TCF12: variants seen among roughly 807,000 people sequenced by gnomAD.
TCF12 encodes DNA-binding protein HTF4.
TCF12 carries 45 observed loss-of-function variants against 86.0 expected under a neutral mutation model. That is an observed-to-expected ratio of 0.52 (90% CI 0.41 to 0.67). TCF12 has a LOEUF of 0.67. Among genes scored for constraint, TCF12 ranks in the 30% least tolerant of loss-of-function variants. The pLI is 0.00. For missense variants in TCF12, 881 were observed against 859.9 expected (o/e 1.02, Z -0.31); for synonymous variants, 330 against 299.6 (o/e 1.10, Z -1.05).
intron 4 of TCF12, among the ~76,000 whole-genome samples, chr15:57,067,254 T>C (rs2068956652): frequency 6.6e-6 from 1 of 152,112 alleles, no homozygotes; most frequent in Non-Finnish European, 1.5e-5. Flanking sequence ...CTAAGAGTGG[T>C]TATAGGCCGG....
intron 16 of TCF12, 129 bp downstream of exon 16, chr15:57,253,597 C>A: frequency 1.9e-6 from 2 of 1,060,322 alleles, no homozygotes; most frequent in Non-Finnish European, 2.7e-6. Context: ...ATTTTCTTTA[C>A]TGTCTTTGGC....
chr15:57,191,080 G>A (rs1387152949), intron 6 of TCF12, among the ~76,000 whole-genome samples: 1 of 152,110 alleles, frequency 6.6e-6, no homozygotes, highest in African/African-American at 2.4e-5. Context: ...CCCTTAATGC[G>A]AGCTAACATA....
At chr15:57,054,773 C>CTTTTTTTTTTTTTT in intron 3 of TCF12, among the ~76,000 whole-genome samples, 1 of 24,188 alleles carries the variant, frequency 4.1e-5, no homozygotes, top group Non-Finnish European at 8.6e-5. Flanking sequence ...AATGCCTCTG[C>CTTTTTTTTTTTTTT]TTTTTTTTTT....
intron 3 of TCF12, among the ~76,000 whole-genome samples, chr15:56,968,824 A>C (rs574739548): frequency 3.9e-5 from 6 of 152,294 alleles, no homozygotes; most frequent in African/African-American, 1.2e-4. Context: ...CATTTTAGGG[A>C]GACATGAGAC....
intron 5 of TCF12, among the ~76,000 whole-genome samples, chr15:57,127,846 G>C (rs555487212): frequency 3.3e-5 from 5 of 152,092 alleles, no homozygotes; most frequent in African/African-American, 1.2e-4. Flanking sequence ...ATTCTCGGGC[G>C]AGCCATCTAA....
chr15:57,017,726 C>CTTTTTTTTTTT (rs34230192), intron 3 of TCF12, among the ~76,000 whole-genome samples: 1 of 130,568 alleles, frequency 7.7e-6, no homozygotes, highest in Non-Finnish European at 1.6e-5. Flanking sequence ...AATTTTCTTT[C>CTTTTTTTTTTT]TTTTTTTTTT....
intron 6 of TCF12, among the ~76,000 whole-genome samples, chr15:57,169,171 C>T (rs1341965967): frequency 6.6e-6 from 1 of 152,222 alleles, no homozygotes; most frequent in Non-Finnish European, 1.5e-5. Flanking sequence ...GCCTCTGTGA[C>T]ATATCATTAA....
chr15:57,027,544 G>T (rs1323994683), intron 3 of TCF12, among the ~76,000 whole-genome samples: 3 of 151,986 alleles, frequency 2.0e-5, no homozygotes, highest in Admixed American at 1.3e-4. Context: ...GTTTTTTATG[G>T]TCATTTTTTT....
At position 57,232,082 on chromosome 15, in the gene TCF12, T is replaced by C. The variant is rs16977330; in HGVS notation, c.686-209T>C. Among the ~76,000 whole-genome samples, 7,723 of 152,218 alleles carry C rather than the reference T, an allele frequency of 0.051. 554 individuals are homozygous for C. Among genetic ancestry groups the C allele is most frequent in the African/African-American group, 0.16 (6,673 of 41,512 alleles). ...TTTATAATGGCCTGCCTATTACAGC[T>C]TAGATTACTTTTTTCCCTAACTAAA... On this transcript the variant is annotated intron_variant, in intron 9 of 20. Coordinates refer to ENST00000333725, the MANE Select transcript of TCF12 (RefSeq NM_207037.2).
intron 13 of TCF12, chr15:57,247,830 G>A (rs1191546561): frequency 2.8e-5 from 21 of 752,260 alleles, no homozygotes; most frequent in South Asian, 1.2e-4. Flanking sequence ...CCCCTGGAAC[G>A]TGTTTTTTGG....
chr15:57,253,470 T>TA lies in TCF12; in HGVS notation c.1467+6dup. 1 of 1,613,798 alleles carries TA rather than the reference T, an allele frequency of 6.2e-7. No homozygotes were observed. The highest frequency in any genetic ancestry group is 8.5e-7 in the Non-Finnish European group (1 of 1,179,858). On this transcript the variant is annotated splice_region_variant and intron_variant, in intron 16 of 20. Transcript: ENST00000333725. Reference sequence around the variant, plus strand: ...GCAAGCAGTCGATCAGCTTCAATGGTAAAATCATGCTCATCTTTTTTGTAG... The same window carrying TA: ...GCAAGCAGTCGATCAGCTTCAATGGTAAAAATCATGCTCATCTTTTTTGTAG...
chr15:57,149,853 G>A (rs2053618062), intron 5 of TCF12, among the ~76,000 whole-genome samples: 1 of 152,122 alleles, frequency 6.6e-6, no homozygotes, highest in Non-Finnish European at 1.5e-5. Context: ...TGTAAAAATG[G>A]GTTTGCTAGA....
At chr15:57,283,078 A>G (rs1394835240) in intron 20 of TCF12, among the ~76,000 whole-genome samples, 9 of 152,234 alleles carry the variant, frequency 5.9e-5, no homozygotes, top group African/African-American at 1.9e-4. Flanking sequence ...AGTTTATGAT[A>G]TGATGCTTCT....
chr15:57,121,744 A>G (rs2051248349), intron 5 of TCF12, among the ~76,000 whole-genome samples: 1 of 152,196 alleles, frequency 6.6e-6, no homozygotes, highest in South Asian at 2.1e-4. Flanking sequence ...TGAGAAATAA[A>G]TTTGTATTGT....
chr15:57,024,777 A>G (rs1252342193), intron 3 of TCF12, among the ~76,000 whole-genome samples: 3 of 152,230 alleles, frequency 2.0e-5, no homozygotes, highest in African/African-American at 7.2e-5. Flanking sequence ...TTTTTATTAC[A>G]TTAGCTCCAC....
At chr15:57,069,962 C>G (rs901021596) in intron 4 of TCF12, among the ~76,000 whole-genome samples, 1 of 152,158 alleles carries the variant, frequency 6.6e-6, no homozygotes, top group African/African-American at 2.4e-5. Flanking sequence ...ATTTCTGGCA[C>G]TTCTGCCTCA....
At chr15:56,979,911 T>C (rs1178530692) in intron 3 of TCF12, among the ~76,000 whole-genome samples, 2 of 152,236 alleles carry the variant, frequency 1.3e-5, no homozygotes, top group Non-Finnish European at 2.9e-5. Flanking sequence ...GAAAATTTCC[T>C]GTTAATCGTA....
intron 12 of TCF12, among the ~76,000 whole-genome samples, chr15:57,237,227 A>G (rs571510475): frequency 2.5e-4 from 38 of 152,166 alleles, no homozygotes; most frequent in African/African-American, 9.1e-4. Context: ...AACAAAAGAA[A>G]AGAAAATTCA....
At chr15:57,261,496 G>A (rs142372553) in intron 16 of TCF12, among the ~76,000 whole-genome samples, 2,055 of 152,248 alleles carry the variant, frequency 0.013, 35 homozygotes, top group Non-Finnish European at 0.018. Context: ...TACTAGGATT[G>A]AAGGATTTAT....
Sources: allele counts gnomAD v4.1 joint callset (sites outside exome capture counted in the v4.1 genomes callset), GRCh38; gene constraint gnomAD v4.1.1; transcripts MANE v1.5; gene names NCBI Gene and HGNC (gene_info 2026-07-23, HGNC 2026-07-21).